The following EIF2A variants were observed in gnomAD, a reference collection of about 807,000 sequenced individuals.
EIF2A encodes eukaryotic translation initiation factor 2A, also known as 65 kDa eukaryotic translation initiation factor 2A.
In EIF2A, 62 loss-of-function variants were observed where a neutral mutation model predicts 75.2. That is an observed-to-expected ratio of 0.82 (90% CI 0.67 to 1.02). The LOEUF is 1.02. Among genes scored for constraint, EIF2A ranks in the 50% least tolerant of loss-of-function variants. The pLI is 0.00. For missense variants in EIF2A, 611 were observed against 677.7 expected (o/e 0.90, Z 1.09); for synonymous variants, 207 against 239.0 (o/e 0.87, Z 1.23).
intron 11 of EIF2A, among the ~76,000 whole-genome samples, 187 bp from the exon 12 acceptor site, chr3:150,581,431 G>A (rs1029373206): frequency 4.6e-5 from 7 of 152,048 alleles, no homozygotes; most frequent in African/African-American, 1.7e-4. Flanking sequence ...ACTCTGATAA[G>A]GTCATTTTAT....
intron 6 of EIF2A, chr3:150,564,710 T>G (rs1355503392): frequency 5.1e-6 from 1 of 194,456 alleles, no homozygotes; most frequent in Non-Finnish European, 1.1e-5. Context: ...GACACCTAGT[T>G]CTAGTAACCA....
chr3:150,566,877 A>G (rs1724211936), intron 6 of EIF2A: 1 of 152,252 alleles, frequency 6.6e-6, no homozygotes, highest in Non-Finnish European at 1.5e-5. Context: ...TAGAATAGGA[A>G]TTGGTAACTT....
At chr3:150,572,625 C>T (rs1265609856) in intron 10 of EIF2A, 96 bp downstream of exon 10, 36 of 1,208,340 alleles carry the variant, frequency 3.0e-5, no homozygotes, top group East Asian at 1.7e-4. Context: ...GAGGCCGAGG[C>T]GGGAGGATCA....
intron 3 of EIF2A, among the ~76,000 whole-genome samples, chr3:150,561,867 T>G (rs1326211106): frequency 1.3e-5 from 2 of 151,094 alleles, no homozygotes; most frequent in Non-Finnish European, 2.9e-5. Context: ...CTCAGCCCAC[T>G]GCAGCCTCTG....
intron 1 of EIF2A, among the ~76,000 whole-genome samples, chr3:150,548,679 C>T (rs1214563854): frequency 6.6e-6 from 1 of 152,202 alleles, no homozygotes; most frequent in South Asian, 2.1e-4. Context: ...TCTGTTTAGA[C>T]TATCCTTTTA....
intron 6 of EIF2A, chr3:150,566,865 G>C (rs1239388944): frequency 6.6e-6 from 1 of 152,182 alleles, no homozygotes; most frequent in African/African-American, 2.4e-5. Context: ...GTATATCATA[G>C]TTAGAATAGG....
chr3:150,546,877 T>A, intron 1 of EIF2A, 47 bp downstream of exon 1: 6 of 1,607,630 alleles, frequency 3.7e-6, no homozygotes, highest in Non-Finnish European at 5.1e-6. Context: ...GACTAGTTTC[T>A]TATTTTTGTC....
rs1725192247 is a variant in EIF2A, at chr3:150,581,730, T to G, written c.1610T>G (p.Ile537Ser). 6.4e-7 allele frequency: 1 copy of G among 1,558,238 alleles called. No individual in the cohort carries two copies. Among genetic ancestry groups the G allele is most frequent in the Admixed American group, 1.9e-5 (1 of 51,684 alleles). Residue 537 changes from isoleucine to serine, a missense_variant, in exon 12 of 14, where the codon ATC (isoleucine) becomes AGC (serine). Ile to Ser is a moderately radical substitution (Grantham distance 142). Transcript: ENST00000460851. ...GGGGACCCTGAGATAGACAAAAAAA[T>G]CAAGAACCTAAAGAAGGTGAGAGAC... ...ISGDPEIDKKIKNLKKKLKAI... is the reference protein window; with the variant it reads ...ISGDPEIDKKSKNLKKKLKAI...
Position 150,581,646 on chromosome 3 carries a change from T to G in EIF2A, c.1526T>G (p.Leu509Trp), listed in dbSNP as rs1184950063. 1 of 1,551,730 alleles carries G rather than the reference T, an allele frequency of 6.4e-7. No individual in the cohort carries two copies. Among genetic ancestry groups the G allele is most frequent in the South Asian group, 1.2e-5 (1 of 84,046 alleles). ...QEARSDKSPD[L>W]APTPAPQSTP... ...GCAAGAAGTGACAAGAGTCCAGATTTGGCACCTACTCCTGCCCCACAGAGC... is the reference window on the plus strand; with the variant it reads ...GCAAGAAGTGACAAGAGTCCAGATTGGGCACCTACTCCTGCCCCACAGAGC... Residue 509 changes from leucine to tryptophan, a missense_variant, in exon 12 of 14, where the codon TTG becomes TGG. Coordinates refer to ENST00000460851, the MANE Select transcript of EIF2A (RefSeq NM_032025.5).
At chr3:150,563,745 G>A in intron 5 of EIF2A, 131 bp downstream of exon 5, 1 of 747,266 alleles carries the variant, frequency 1.3e-6, no homozygotes. Flanking sequence ...TAAGGATTTT[G>A]TATGTAGGAA....
rs562754077 is a variant in EIF2A, at chr3:150,583,632, T to G, written c.1693-214T>G. On this transcript the variant is annotated intron_variant, in intron 13 of 13. Coordinates refer to ENST00000460851, the MANE Select transcript of EIF2A (RefSeq NM_032025.5). ...GCCCGAATATAGAATTGAAAATTTT[T>G]GGGGCCCAAAGGGATGCAGTAAGAC... 4.6e-5 allele frequency among the ~76,000 whole-genome samples: 7 copies of G among 152,328 alleles called. No homozygotes were observed. In the East Asian group the frequency reaches 7.7e-4, roughly 17 times the overall value.
intron 2 of EIF2A, among the ~76,000 whole-genome samples, chr3:150,555,393 A>G (rs1723507609): frequency 6.6e-6 from 1 of 152,004 alleles, no homozygotes; most frequent in African/African-American, 2.4e-5. Context: ...AGTAGCTGGG[A>G]TTATAGGCAC....
At chr3:150,548,777 T>C (rs751142064) in intron 1 of EIF2A, among the ~76,000 whole-genome samples, 1 of 152,232 alleles carries the variant, frequency 6.6e-6, no homozygotes, top group Non-Finnish European at 1.5e-5. Flanking sequence ...TTGTAAGAGC[T>C]TAAATGTTGT....
intron 10 of EIF2A, among the ~76,000 whole-genome samples, chr3:150,572,814 C>G (rs1724615999): frequency 6.6e-6 from 1 of 150,600 alleles, no homozygotes; most frequent in African/African-American, 2.4e-5. Flanking sequence ...CGAGATCGCA[C>G]CACTGCACTC....
At chr3:150,582,443 T>C (rs963682315) in intron 12 of EIF2A, among the ~76,000 whole-genome samples, 7 of 151,672 alleles carry the variant, frequency 4.6e-5, no homozygotes, top group Non-Finnish European at 2.9e-5. Flanking sequence ...GCCTCCCGAG[T>C]AGCTGGGACT....
chr3:150,555,935 A>G (rs1352181981), intron 2 of EIF2A, among the ~76,000 whole-genome samples: 1 of 152,166 alleles, frequency 6.6e-6, no homozygotes, highest in African/African-American at 2.4e-5. Context: ...TTTTGTCTCC[A>G]GAAAGGCTGT....
chr3:150,563,401 C>A, intron 4 of EIF2A, 114 bp from the exon 5 acceptor site: 2 of 788,306 alleles, frequency 2.5e-6, no homozygotes, highest in South Asian at 1.8e-5. Context: ...CAGAGGCAAG[C>A]TTTCATGATT....
intron 11 of EIF2A, among the ~76,000 whole-genome samples, chr3:150,579,149 A>C (rs896963408): frequency 1.3e-5 from 2 of 152,164 alleles, no homozygotes; most frequent in Non-Finnish European, 2.9e-5. Context: ...CTCATTACAA[A>C]CAACTAAAAT....
intron 9 of EIF2A, among the ~76,000 whole-genome samples, chr3:150,571,454 T>A (rs1012011586): frequency 6.6e-6 from 1 of 152,176 alleles, no homozygotes; most frequent in South Asian, 2.1e-4. Flanking sequence ...GTGGCATTTT[T>A]AAAAATATAG....
Sources: gnomAD v4.1 joint callset for allele counts (sites outside exome capture counted in the v4.1 genomes callset) on GRCh38, gnomAD v4.1.1 for gene constraint, MANE v1.5 for transcripts, NCBI Gene and HGNC (gene_info 2026-07-23, HGNC 2026-07-21) for gene names.